Variants in CNDP2 observed in about 807,000 individuals in gnomAD.
The protein encoded by CNDP2 is cytosolic non-specific dipeptidase.
In CNDP2, 38 loss-of-function variants were observed where a neutral mutation model predicts 55.0. That is an observed-to-expected ratio of 0.69 (90% CI 0.53 to 0.90). CNDP2 has a LOEUF of 0.90. Among genes scored for constraint, CNDP2 ranks in the 40% least tolerant of loss-of-function variants. CNDP2 has a pLI of 0.00. For missense variants in CNDP2, 607 were observed against 621.7 expected (o/e 0.98, Z 0.25); for synonymous variants, 241 against 260.2 (o/e 0.93, Z 0.71).
In CNDP2 at chr18:74,512,446, A is replaced by G. The variant is rs1479288380; in HGVS notation, c.658-2A>G. The G allele has an allele frequency of 2.5e-6, 4 of 1,612,950 alleles. No homozygotes were observed. The highest frequency in any genetic ancestry group is 2.7e-5 in the African/African-American group (2 of 74,872). ...GACACAGTGGCCTTTGTTTCCGTGC[A>G]GGTGGAGTGCAGCAACAAAGACCTC... On this transcript the variant is annotated splice_acceptor_variant, in intron 6 of 11. Transcript: ENST00000324262. LOFTEE classifies it high-confidence loss of function.
chr18:74,518,834 T>C, intron 10 of CNDP2, 115 bp from the exon 11 acceptor site: 1 of 1,499,510 alleles, frequency 6.7e-7, no homozygotes, highest in Non-Finnish European at 9.1e-7. Flanking sequence ...GCGGGCTTGC[T>C]GTCCCCAGGG....
intron 4 of CNDP2, chr18:74,508,401 G>A (rs976115765): frequency 6.2e-6 from 1 of 160,828 alleles, no homozygotes; most frequent in South Asian, 1.9e-4. Context: ...TCACAATTGG[G>A]TGGGGGTGAG....
At chr18:74,496,643 C>T (rs993908341) in intron 1 of CNDP2, among the ~76,000 whole-genome samples, 34 of 152,172 alleles carry the variant, frequency 2.2e-4, no homozygotes, top group African/African-American at 7.7e-4. Flanking sequence ...GGCCCCGGGG[C>T]CTCTCGCACC....
At chr18:74,514,048 G>A (rs1979506084) in intron 8 of CNDP2, among the ~76,000 whole-genome samples, 1 of 152,228 alleles carries the variant, frequency 6.6e-6, no homozygotes, top group African/African-American at 2.4e-5. Context: ...AGCCACATCA[G>A]AGCCAAGTGC....
chr18:74,502,973 T>C (rs1978793084), intron 3 of CNDP2, among the ~76,000 whole-genome samples: 1 of 152,186 alleles, frequency 6.6e-6, no homozygotes, highest in Non-Finnish European at 1.5e-5. Context: ...ACTTAGGGTA[T>C]ATTATAGCTT....
rs76001336 is a variant in CNDP2 at position 74,515,977 on chromosome 18, A to G, written c.904-251A>G. Reference sequence around the variant, plus strand: ...TAGTTCTGCCAGGTGGACCTGAGCCACCCACGCTGCAGCGACGGGCAGTGA... The same window carrying G: ...TAGTTCTGCCAGGTGGACCTGAGCCGCCCACGCTGCAGCGACGGGCAGTGA... On this transcript the variant is annotated intron_variant, in intron 8 of 11. Transcript: ENST00000324262. Among the ~76,000 whole-genome samples, 13 of 152,280 alleles carry G rather than the reference A, an allele frequency of 8.5e-5. No homozygotes were observed. The East Asian group carries it at 2.5e-3, about 29-fold the overall frequency.
chr18:74,511,027 C>A lies in CNDP2; in HGVS notation c.657+14C>A. On this transcript the variant is annotated intron_variant, in intron 6 of 11. Coordinates refer to ENST00000324262, the MANE Select transcript of CNDP2 (RefSeq NM_018235.3). ...TTTTTCATCGAGGTACAGTGCCAAGCTGTACGGGTCACTTCTTTCTAACCC... is the reference window on the plus strand; with the variant it reads ...TTTTTCATCGAGGTACAGTGCCAAGATGTACGGGTCACTTCTTTCTAACCC... 6.2e-7 allele frequency: 1 copy of A among 1,606,752 alleles called. No homozygotes were observed. Among genetic ancestry groups the A allele is most frequent in the African/African-American group, 1.3e-5 (1 of 74,790 alleles).
Position 74,506,018 on chromosome 18 carries a change from G to A in CNDP2, c.367+7G>A, listed in dbSNP as rs201457387. 4.9e-4 allele frequency: 774 copies of A among 1,563,928 alleles called. 6 individuals are homozygous for A. The South Asian group carries it at 5.5e-3, about 11-fold the overall frequency. ...ACCCTGGTGGAGCGAGACGGTGAGCGCCGCGCGCCTATGCGTGCCCAGAGG... is the reference window on the plus strand; with the variant it reads ...ACCCTGGTGGAGCGAGACGGTGAGCACCGCGCGCCTATGCGTGCCCAGAGG... On this transcript the variant is annotated splice_region_variant and intron_variant, in intron 4 of 11. Transcript: ENST00000324262.
In CNDP2 at chr18:74,520,391, C is replaced by A; in HGVS notation, c.*323C>A. ...TGGTTGTCGGCCGGGCACCACGGCT[C>A]ACACCTATAATCGAGCACTTTGGGA... is the stretch of plus-strand genomic sequence containing the variant. On this transcript the variant is annotated 3_prime_UTR_variant, in exon 12 of 12. Transcript: ENST00000324262. 3.1e-6 allele frequency: 1 copy of A among 318,142 alleles called. No homozygotes were observed. Among genetic ancestry groups the A allele is most frequent in the East Asian group, 8.2e-5 (1 of 12,196 alleles). 19.7% of individuals were successfully genotyped at this position (318,142 alleles called of 1,614,324 possible).
In CNDP2 at chr18:74,512,228, G is replaced by A. The variant is rs928291107; in HGVS notation, c.658-220G>A. ...GCTTGTACCTGTGGCTAGTGTTACCGTCTTATCTGTGGTTGGCATATGCCA... is the reference window on the plus strand; with the variant it reads ...GCTTGTACCTGTGGCTAGTGTTACCATCTTATCTGTGGTTGGCATATGCCA... On this transcript the variant is annotated intron_variant, in intron 6 of 11. Coordinates refer to ENST00000324262, the MANE Select transcript of CNDP2 (RefSeq NM_018235.3). The A allele has an allele frequency of 1.2e-4, 60 of 517,432 alleles. No homozygotes were observed. The East Asian group carries it at 1.4e-3, about 12-fold the overall frequency. The allele number at this position is 517,432 out of a possible 1,614,324, so 32.1% of individuals were successfully genotyped here.
At chr18:74,502,491 A>T (rs115847995) in intron 3 of CNDP2, among the ~76,000 whole-genome samples, 3,254 of 144,460 alleles carry the variant, frequency 0.023, 135 homozygotes, top group African/African-American at 0.079. Context: ...TTTTGTCGGG[A>T]TGGGGTTTCA....
Position 74,513,797 on chromosome 18 carries a change from C to T in CNDP2, c.903+78C>T, listed in dbSNP as rs976705747. 5.4e-6 allele frequency: 8 copies of T among 1,483,688 alleles called. No homozygotes were observed. The East Asian group carries it at 1.4e-4, about 26-fold the overall frequency. The allele number at this position is 1,483,688 out of a possible 1,614,324, so 91.9% of individuals were successfully genotyped here. A position where few individuals can be genotyped will look rare whatever the true frequency, so the allele number is the denominator to read the frequency against. ...GTGTCCCCCAGGCCCTGTCACCTTC[C>T]CTGGGTCCAGGGGGTCTCTGAGGGA... On this transcript the variant is annotated intron_variant, in intron 8 of 11. Coordinates refer to ENST00000324262, the MANE Select transcript of CNDP2 (RefSeq NM_018235.3).
intron 1 of CNDP2, among the ~76,000 whole-genome samples, chr18:74,496,865 T>C (rs929231569): frequency 2.0e-5 from 3 of 152,100 alleles, no homozygotes; most frequent in Non-Finnish European, 4.4e-5. Context: ...CTCCAACGGA[T>C]CCCTTTCCCG....
In CNDP2 at chr18:74,498,506, A is replaced by T. The variant is rs189134037; in HGVS notation, c.-92-1376A>T. Among the ~76,000 whole-genome samples, 46 of 152,338 alleles carry T rather than the reference A, an allele frequency of 3.0e-4. No individual in the cohort carries two copies. The Middle Eastern group carries it at 0.01, about 34-fold the overall frequency. The stretch of plus-strand genomic sequence containing the variant: ...AGCTACAATGCCACTGGTTAATTTG[A>T]CTACAAGAGAATAATATTAATGAGA... On this transcript the variant is annotated intron_variant, in intron 1 of 11. Coordinates refer to ENST00000324262, the MANE Select transcript of CNDP2 (RefSeq NM_018235.3).
At chr18:74,505,699 C>G in intron 3 of CNDP2, 150 bp from the exon 4 acceptor site, 1 of 760,984 alleles carries the variant, frequency 1.3e-6, no homozygotes, top group South Asian at 1.9e-5. Flanking sequence ...TAATTAGTGA[C>G]TCCATTGAAC....
chr18:74,500,982 G>T, intron 2 of CNDP2: 1 of 173,504 alleles, frequency 5.8e-6, no homozygotes, highest in Non-Finnish European at 1.2e-5. Flanking sequence ...TTTAAGTCAT[G>T]AGTTGATTTT....
chr18:74,499,003 A>T (rs983448882), intron 1 of CNDP2, among the ~76,000 whole-genome samples: 1 of 152,200 alleles, frequency 6.6e-6, no homozygotes, highest in African/African-American at 2.4e-5. Flanking sequence ...CTCTGTTGAG[A>T]AATCACTTTG....
chr18:74,518,200 T>C (rs1252402143), intron 9 of CNDP2: 27 of 197,056 alleles, frequency 1.4e-4, no homozygotes, highest in Non-Finnish European at 4.3e-5. Context: ...AGGCGGAGCT[T>C]GCAGTGAGCC....
At chr18:74,499,275 GT>G (rs369154818) in intron 1 of CNDP2, 1 of 152,442 alleles carries the variant, frequency 6.6e-6, no homozygotes, top group African/African-American at 2.4e-5. Context: ...CTGAGGATGT[GT>G]TTTCACCTCT....
Sources: allele counts gnomAD v4.1 joint callset (sites outside exome capture counted in the v4.1 genomes callset), GRCh38; gene constraint gnomAD v4.1.1; transcripts MANE v1.5; gene names NCBI Gene and HGNC (gene_info 2026-07-23, HGNC 2026-07-21).